The following ROBO2 variants were observed in gnomAD, a reference collection of about 807,000 sequenced individuals.
The protein encoded by ROBO2 is roundabout homolog 2.
ROBO2 carries 53 observed loss-of-function variants against 160.8 expected under a neutral mutation model. The ratio of observed to expected loss-of-function variants is 0.33; its 90% CI spans 0.26 to 0.41. ROBO2 has a LOEUF of 0.41. Among genes scored for constraint, ROBO2 ranks in the 10% least tolerant of loss-of-function variants. ROBO2 has a pLI of 1.00. For missense variants in ROBO2, 1,577 were observed against 1,722.4 expected (o/e 0.92, Z 1.49); for synonymous variants, 664 against 611.7 (o/e 1.09, Z -1.26).
chr3:76,355,961 T>C (rs1263472714), intron 2 of ROBO2, among the ~76,000 whole-genome samples: 1 of 151,798 alleles, frequency 6.6e-6, no homozygotes, highest in African/African-American at 2.4e-5. Flanking sequence ...GATGGGGAGA[T>C]ACAATGTGTT....
intron 2 of ROBO2, among the ~76,000 whole-genome samples, chr3:76,727,803 G>A (rs925786630): frequency 6.6e-6 from 1 of 152,078 alleles, no homozygotes; most frequent in Non-Finnish European, 1.5e-5. Context: ...CAAATCTACA[G>A]TTAGATAAAA....
intron 1 of ROBO2, among the ~76,000 whole-genome samples, chr3:77,054,730 C>G (rs2065552397): frequency 1.3e-5 from 2 of 151,942 alleles, no homozygotes; most frequent in South Asian, 4.1e-4. Flanking sequence ...GAAGTAAAAA[C>G]AAGTTAAGAT....
At chr3:76,798,238 A>G (rs1289916953) in intron 2 of ROBO2, among the ~76,000 whole-genome samples, 1 of 148,542 alleles carries the variant, frequency 6.7e-6, no homozygotes, top group Non-Finnish European at 1.5e-5. Context: ...AGAAAGAAAG[A>G]AAAAAAGAAG....
At chr3:76,926,137 T>C (rs920915875) in intron 2 of ROBO2, among the ~76,000 whole-genome samples, 5 of 152,210 alleles carry the variant, frequency 3.3e-5, no homozygotes, top group Non-Finnish European at 7.3e-5. Context: ...CTAAAGTTGC[T>C]GACTTGCAGA....
At chr3:76,612,750 C>T (rs1309488229) in intron 2 of ROBO2, among the ~76,000 whole-genome samples, 1 of 152,142 alleles carries the variant, frequency 6.6e-6, no homozygotes, top group African/African-American at 2.4e-5. Context: ...TACATATCTA[C>T]ATGCTTCTGT....
chr3:77,050,599 T>TC (rs2065125876), intron 1 of ROBO2, among the ~76,000 whole-genome samples: 1 of 151,942 alleles, frequency 6.6e-6, no homozygotes, highest in African/African-American at 2.4e-5. Context: ...TTGGTTTTTT[T>TC]TCCCCATGCA....
chr3:76,829,580 C>A lies in ROBO2; in HGVS notation c.110-268434C>A, dbSNP rs575082271. On this transcript the variant is annotated intron_variant, in intron 2 of 26. Coordinates refer to the ROBO2 transcript ENST00000487694. Reference sequence around the variant, plus strand: ...ATTCCATTCTAGGTTTCTTCTCAGACTCTTCTCCCACCATCATCCCTTAGA... The same window carrying A: ...ATTCCATTCTAGGTTTCTTCTCAGAATCTTCTCCCACCATCATCCCTTAGA... Among the ~76,000 whole-genome samples the A allele has an allele frequency of 2.0e-5, 3 of 152,076 alleles. No individual in the cohort carries two copies. In the South Asian group the frequency reaches 6.2e-4, roughly 32 times the overall value.
chr3:75,907,516 T>C (rs368857649), intron 1 of ROBO2, among the ~76,000 whole-genome samples: 16 of 152,222 alleles, frequency 1.1e-4, no homozygotes, highest in African/African-American at 3.9e-4. Flanking sequence ...AACTTCAGGC[T>C]CTCTAGACAG....
chr3:77,059,529 G>A (rs1388239335), intron 1 of ROBO2, among the ~76,000 whole-genome samples: 2 of 152,162 alleles, frequency 1.3e-5, no homozygotes, highest in African/African-American at 2.4e-5. Flanking sequence ...GGTTACAGTG[G>A]AAAGACCCTA....
chr3:77,524,894 C>G (rs1223357158), intron 6 of ROBO2, among the ~76,000 whole-genome samples: 18 of 150,928 alleles, frequency 1.2e-4, no homozygotes, highest in South Asian at 8.3e-4. Flanking sequence ...TATCACCTCT[C>G]TAAGACTGAA....
intron 4 of ROBO2, among the ~76,000 whole-genome samples, chr3:77,484,385 A>G (rs994016152): frequency 6.6e-6 from 1 of 152,068 alleles, no homozygotes; most frequent in African/African-American, 2.4e-5. Context: ...GTGGATTTCA[A>G]AAATGATTTT....
chr3:77,455,508 CG>C (rs1373336116), intron 2 of ROBO2, among the ~76,000 whole-genome samples: 1 of 152,080 alleles, frequency 6.6e-6, no homozygotes, highest in Non-Finnish European at 1.5e-5. Context: ...CTCAGCTCAC[CG>C]CAACATCCAA....
chr3:77,609,122 TG>T (rs2094578797), intron 21 of ROBO2, among the ~76,000 whole-genome samples: 1 of 151,934 alleles, frequency 6.6e-6, no homozygotes, highest in Non-Finnish European at 1.5e-5. Context: ...GAATATTTTT[TG>T]TCTATGTCTT....
intron 2 of ROBO2, among the ~76,000 whole-genome samples, chr3:76,384,579 G>C (rs2076791300): frequency 6.6e-6 from 1 of 152,134 alleles, no homozygotes; most frequent in African/African-American, 2.4e-5. Context: ...CCCAAGACTG[G>C]GTAATTTATA....
chr3:77,036,555 A>G (rs2063648600), upstream of ROBO2, among the ~76,000 whole-genome samples: 1 of 152,080 alleles, frequency 6.6e-6, no homozygotes, highest in Non-Finnish European at 1.5e-5. Context: ...AAAGAAGGCC[A>G]TTGGATAACC....
rs566336251 is a variant in ROBO2, at chr3:76,987,679, A to C, written c.110-110335A>C. ...TTTTATGTTCAAATCAGTAATTTTA[A>C]ATTTGTTTCTTTAATACCCCCTTTC... is the stretch of plus-strand genomic sequence containing the variant. On this transcript the variant is annotated intron_variant, in intron 2 of 26. Coordinates refer to the ROBO2 transcript ENST00000487694. 7.5e-4 allele frequency among the ~76,000 whole-genome samples: 114 copies of C among 152,292 alleles called. 1 individual carries two copies. Among genetic ancestry groups the C allele is most frequent in the African/African-American group, 2.5e-3 (106 of 41,570 alleles).
intron 2 of ROBO2, among the ~76,000 whole-genome samples, chr3:76,756,151 A>G (rs2060955244): frequency 6.6e-6 from 1 of 151,858 alleles, no homozygotes; most frequent in Admixed American, 6.6e-5. Flanking sequence ...AGGCTCAAGA[A>G]AAAACTCTTG....
At chr3:77,521,669 A>G (rs1018137525) in intron 5 of ROBO2, among the ~76,000 whole-genome samples, 4 of 151,258 alleles carry the variant, frequency 2.6e-5, no homozygotes, top group Non-Finnish European at 5.9e-5. Context: ...TGGTAAATAG[A>G]CAATGCTTTT....
intron 2 of ROBO2, among the ~76,000 whole-genome samples, chr3:76,913,675 A>G (rs2076128534): frequency 2.0e-5 from 3 of 152,294 alleles, no homozygotes; most frequent in African/African-American, 4.8e-5. Context: ...AAACGTGGCA[A>G]TTACTACAAT....
Sources: gnomAD v4.1 joint callset for allele counts (sites outside exome capture counted in the v4.1 genomes callset) on GRCh38, gnomAD v4.1.1 for gene constraint, MANE v1.5 for transcripts, NCBI Gene and HGNC (gene_info 2026-07-23, HGNC 2026-07-21) for gene names.